Variants in RSPO4 observed in about 807,000 individuals in gnomAD.
The protein encoded by RSPO4 is R-spondin-4.
A neutral mutation model predicts 24.8 loss-of-function variants in RSPO4; 23 were observed. The ratio of observed to expected loss-of-function variants is 0.93; its 90% CI spans 0.67 to 1.31. RSPO4 has a LOEUF of 1.31. Among genes scored for constraint, RSPO4 ranks in the 40% most tolerant of loss-of-function variants. The pLI is 0.00. For missense variants in RSPO4, 333 were observed against 316.5 expected (o/e 1.05, Z -0.39); for synonymous variants, 141 against 127.4 (o/e 1.11, Z -0.72).
chr20:993,483 C>T (rs7270616), intron 1 of RSPO4, among the ~76,000 whole-genome samples: 6,651 of 152,248 alleles, frequency 0.044, 178 homozygotes, highest in African/African-American at 0.072. Flanking sequence ...GACCTGGGAG[C>T]ACATCACGAC....
At chr20:980,351 T>G (rs1028900479) in intron 1 of RSPO4, among the ~76,000 whole-genome samples, 1 of 152,104 alleles carries the variant, frequency 6.6e-6, no homozygotes, top group Admixed American at 6.5e-5. Flanking sequence ...TGCTGAGGCC[T>G]TCTTCGGTGT....
rs181239620 is a variant in RSPO4 at position 982,004 on chromosome 20, T to G, written c.80-13866A>C. Reference sequence around the variant, plus strand: ...CATTAAGAGAAGTTACATTTGTGTTTCTGGTGGGAGCCCTGGGGGTGCTGA... The same window carrying G: ...CATTAAGAGAAGTTACATTTGTGTTGCTGGTGGGAGCCCTGGGGGTGCTGA... On this transcript the variant is annotated intron_variant, in intron 1 of 4. Coordinates refer to ENST00000217260, the MANE Select transcript of RSPO4 (RefSeq NM_001029871.4). 6.6e-4 allele frequency among the ~76,000 whole-genome samples: 101 copies of G among 152,320 alleles called. 1 individual carries two copies. Among genetic ancestry groups the G allele is most frequent in the African/African-American group, 2.3e-3 (94 of 41,560 alleles).
chr20:1,002,020 G>C lies in RSPO4; in HGVS notation c.79+66C>G, dbSNP rs1169253973. The C allele has an allele frequency of 7.1e-6, 10 of 1,401,852 alleles. No individual in the cohort carries two copies. The highest frequency in any genetic ancestry group is 2.0e-6 in the Non-Finnish European group (2 of 1,019,994). 86.8% of individuals were successfully genotyped at this position (1,401,852 alleles called of 1,614,324 possible). ...AGATGCCCCCAGAGCCGCCGCCCCC[G>C]GTCCTCCGGCCCCCGGTCTGCCCCG... On this transcript the variant is annotated intron_variant, in intron 1 of 4. Transcript: ENST00000217260. The surrounding 1 kb of genome is among the most constrained non-coding windows in gnomAD (Gnocchi z 4.6).
chr20:961,851 AC>A (rs1390921430), intron 4 of RSPO4, among the ~76,000 whole-genome samples: 1 of 151,302 alleles, frequency 6.6e-6, no homozygotes, highest in Non-Finnish European at 1.5e-5. Flanking sequence ...CCACCTCCAT[AC>A]CCAATGACCC....
rs191589621 is a variant in RSPO4 at position 968,481 on chromosome 20, G to A, written c.80-343C>T. 7.5e-4 allele frequency among the ~76,000 whole-genome samples: 115 copies of A among 152,358 alleles called. 1 individual carries two copies. Among genetic ancestry groups the A allele is most frequent in the African/African-American group, 2.6e-3 (108 of 41,580 alleles). ...GATCATGAGGTGGAAACTATGTCCC[G>A]TGAGGCGGTGGAAAAATCAGATAAA... On this transcript the variant is annotated intron_variant, in intron 1 of 4. Transcript: ENST00000217260.
chr20:987,669 T>C (rs1393842713), intron 1 of RSPO4, among the ~76,000 whole-genome samples: 1 of 151,878 alleles, frequency 6.6e-6, no homozygotes, highest in Non-Finnish European at 1.5e-5. Flanking sequence ...TGCGTGCCTA[T>C]AGTCCCAGCT....
At chr20:967,713 C>G (rs1369358568) in intron 2 of RSPO4, among the ~76,000 whole-genome samples, 1 of 152,240 alleles carries the variant, frequency 6.6e-6, no homozygotes, top group Non-Finnish European at 1.5e-5. Context: ...CCTAAGGCCA[C>G]ACCACAAACT....
At chr20:977,265 T>C (rs745659076) in intron 1 of RSPO4, among the ~76,000 whole-genome samples, 1 of 152,244 alleles carries the variant, frequency 6.6e-6, no homozygotes, top group African/African-American at 2.4e-5. Context: ...CAGGTGATGC[T>C]GACCTTTGCT....
intron 1 of RSPO4, among the ~76,000 whole-genome samples, chr20:999,934 T>A (rs978110530): frequency 6.6e-6 from 1 of 152,142 alleles, no homozygotes; most frequent in African/African-American, 2.4e-5. Context: ...AGTGGCATGA[T>A]CTCGGCTCAC....
intron 1 of RSPO4, among the ~76,000 whole-genome samples, chr20:980,208 G>A (rs1463661716): frequency 1.4e-4 from 22 of 152,148 alleles, no homozygotes. Flanking sequence ...CCCAGGCAGT[G>A]TGACTCTGAA....
At chr20:989,599 T>C (rs972046927) in intron 1 of RSPO4, among the ~76,000 whole-genome samples, 3 of 151,546 alleles carry the variant, frequency 2.0e-5, no homozygotes, top group Admixed American at 6.6e-5. Context: ...ACACAGGGAG[T>C]TGGGGGCTCC....
At chr20:983,025 G>A (rs1311624710) in intron 1 of RSPO4, among the ~76,000 whole-genome samples, 2 of 152,242 alleles carry the variant, frequency 1.3e-5, no homozygotes, top group African/African-American at 4.8e-5. Flanking sequence ...GTGAGCTCCA[G>A]GATTCCAGGA....
In RSPO4 at chr20:981,934, T is replaced by C. The variant is rs1490103414; in HGVS notation, c.80-13796A>G. ...CCAAATCTCTGCTTCCCCATTCTCCTGGACCTGCCCTGGACCACATCTATT... is the reference window on the plus strand; with the variant it reads ...CCAAATCTCTGCTTCCCCATTCTCCCGGACCTGCCCTGGACCACATCTATT... On this transcript the variant is annotated intron_variant, in intron 1 of 4. Coordinates refer to ENST00000217260, the MANE Select transcript of RSPO4 (RefSeq NM_001029871.4). This position sits in a 1 kb window ranked among gnomAD's most constrained non-coding sequence, Gnocchi z 4.6. Among the ~76,000 whole-genome samples the C allele has an allele frequency of 6.6e-6, 1 of 152,208 alleles. No homozygotes were observed. Among genetic ancestry groups the C allele is most frequent in the Non-Finnish European group, 1.5e-5 (1 of 68,034 alleles).
In RSPO4 at chr20:963,939, T is replaced by G; in HGVS notation, c.591A>C (p.Pro197=). The G allele has an allele frequency of 1.2e-6, 2 of 1,613,800 alleles. No homozygotes were observed. The highest frequency in any genetic ancestry group is 8.5e-7 in the Non-Finnish European group (1 of 1,180,020). Residue 197 remains proline (P), a synonymous_variant, in exon 4 of 5, where the codon CCA becomes CCC. Transcript: ENST00000217260. The part of the protein sequence containing the change: ...SRKCPIQRPC[P]GERSPGQKKG... ...TGTGCCTGTCCTGGGGCTCACCTCC[T>G]GGGCAGGGCCTCTGGATGGGACATT...
At chr20:963,238 C>T (rs991546196) in intron 4 of RSPO4, among the ~76,000 whole-genome samples, 44 of 152,268 alleles carry the variant, frequency 2.9e-4, no homozygotes, top group Admixed American at 6.5e-4. Context: ...TCTCTCACAT[C>T]GTGCCCCACC....
chr20:994,280 G>C (rs779345603), intron 1 of RSPO4, among the ~76,000 whole-genome samples: 3 of 152,204 alleles, frequency 2.0e-5, no homozygotes, highest in Non-Finnish European at 4.4e-5. Flanking sequence ...TAGGTGAGGA[G>C]TGTGCTCCCC....
chr20:980,806 C>T (rs1984711918), intron 1 of RSPO4, among the ~76,000 whole-genome samples: 1 of 152,120 alleles, frequency 6.6e-6, no homozygotes, highest in African/African-American at 2.4e-5. Context: ...GAGGTGCTGT[C>T]GCCTCTCGAC....
At chr20:990,667 G>T (rs1272117573) in intron 1 of RSPO4, among the ~76,000 whole-genome samples, 1 of 152,182 alleles carries the variant, frequency 6.6e-6, no homozygotes, top group East Asian at 1.9e-4. Flanking sequence ...GCAGCCCTCA[G>T]CCAGGGGCGA....
chr20:963,239 G>A lies in RSPO4; in HGVS notation c.595+696C>T, dbSNP rs915974056. ...CTGTTCCATCCAGTTCTCTCACATC[G>A]TGCCCCACCCTCACGTAGCTGAAAA... On this transcript the variant is annotated intron_variant, in intron 4 of 4. Coordinates refer to ENST00000217260, the MANE Select transcript of RSPO4 (RefSeq NM_001029871.4). 9.2e-5 allele frequency among the ~76,000 whole-genome samples: 14 copies of A among 152,226 alleles called. No individual in the cohort carries two copies. In the East Asian group the frequency reaches 2.1e-3, roughly 23 times the overall value.
Sources: gnomAD v4.1 joint callset for allele counts (sites outside exome capture counted in the v4.1 genomes callset) on GRCh38, gnomAD v4.1.1 for gene constraint, Gnocchi (gnomAD v3.1) non-coding constraint, MANE v1.5 for transcripts, NCBI Gene and HGNC (gene_info 2026-07-23, HGNC 2026-07-21) for gene names.